The following ADAM18 variants were observed in gnomAD, a reference collection of about 807,000 sequenced individuals.
The protein encoded by ADAM18 is disintegrin and metalloproteinase domain-containing protein 18.
ADAM18 carries 117 observed loss-of-function variants against 94.4 expected under a neutral mutation model. The observed-to-expected ratio is 1.24, with a 90% CI of 1.07 to 1.45. ADAM18 has a LOEUF of 1.45. Ranked by LOEUF, ADAM18 falls within the 40% of genes most tolerant of loss-of-function variation. The pLI is 0.00. For synonymous variants in ADAM18, 327 were observed against 291.6 expected, an observed-to-expected ratio of 1.12 and a Z score of -1.24; for missense variants, 936 against 880.0, an observed-to-expected ratio of 1.06 and a Z score of -0.81.
chr8:39,670,859 C>A lies in ADAM18; in HGVS notation c.1525+2663C>A, dbSNP rs1221068180. On this transcript the variant is annotated intron_variant, in intron 14 of 19. Coordinates refer to ENST00000265707, the MANE Select transcript of ADAM18 (RefSeq NM_014237.3). ...GAGAGCTTTTGCCCAAAGGCACACA[C>A]TTCTCAAGCCAGCACACATGCAATG... Among the ~76,000 whole-genome samples the A allele has an allele frequency of 2.0e-5, 3 of 152,234 alleles. No individual in the cohort carries two copies. The South Asian group carries it at 6.2e-4, about 31-fold the overall frequency.
At chr8:39,632,981 C>A (rs1214433991) in intron 7 of ADAM18, among the ~76,000 whole-genome samples, 1 of 152,132 alleles carries the variant, frequency 6.6e-6, no homozygotes, top group Non-Finnish European at 1.5e-5. Context: ...GCAATTCTGT[C>A]ATGAAAGCTC....
In ADAM18 at chr8:39,637,593, T is replaced by G; in HGVS notation, c.717T>G (p.Asn239Lys). The change falls in exon 9 of 20, where the codon AAT becomes AAG. Residue 239 changes from asparagine (N) to lysine (K), a missense_variant. Coordinates refer to ENST00000265707, the MANE Select transcript of ADAM18 (RefSeq NM_014237.3). ...VILSSLELWS[N>K]ENQISTSGDA... ...TGTCTTCCTTGGAATTGTGGTCAAA[T>G]GAAAACCAGATTTCCACCAGTGGGG... is the stretch of plus-strand genomic sequence containing the variant. The G allele has an allele frequency of 6.2e-7, 1 of 1,612,886 alleles. No homozygotes were observed. Among genetic ancestry groups the G allele is most frequent in the Non-Finnish European group, 8.5e-7 (1 of 1,179,316 alleles).
intron 6 of ADAM18, among the ~76,000 whole-genome samples, chr8:39,619,389 C>G (rs1189764041): frequency 6.6e-6 from 1 of 152,168 alleles, no homozygotes; most frequent in East Asian, 1.9e-4. Context: ...GCTTATGGAG[C>G]ATTCTCCAGG....
intron 18 of ADAM18, among the ~76,000 whole-genome samples, chr8:39,723,177 A>G (rs1013254082): frequency 1.4e-5 from 2 of 139,484 alleles, no homozygotes; most frequent in Non-Finnish European, 3.1e-5. Context: ...AGTATTAAAA[A>G]AACAAAGGTA....
At chr8:39,585,444 C>A in intron 2 of ADAM18, 92 bp downstream of exon 2, 1 of 898,574 alleles carries the variant, frequency 1.1e-6, no homozygotes, top group Non-Finnish European at 1.7e-6. Context: ...AATTTGTATT[C>A]ATTGCCAAAT....
At chr8:39,714,289 G>A (rs1822506553) in intron 18 of ADAM18, among the ~76,000 whole-genome samples, 1 of 152,152 alleles carries the variant, frequency 6.6e-6, no homozygotes, top group Non-Finnish European at 1.5e-5. Context: ...GGGCCTGTTG[G>A]GAGATGGGGG....
At position 39,618,440 on chromosome 8, in the gene ADAM18, TAC is replaced by T. The variant is rs1299384454; in HGVS notation, c.522+7736_522+7737del. On this transcript the variant is annotated intron_variant, in intron 6 of 19. Coordinates refer to ENST00000265707, the MANE Select transcript of ADAM18 (RefSeq NM_014237.3). ...AACATCTGTATGCAGAAGTACAGTATACAGAGATAAGAATTTACAATATAGTG... is the reference window on the plus strand; with the variant it reads ...AACATCTGTATGCAGAAGTACAGTATAGAGATAAGAATTTACAATATAGTG... Among the ~76,000 whole-genome samples, 3 of 152,232 alleles carry T rather than the reference TAC, an allele frequency of 2.0e-5. No individual in the cohort carries two copies. In the East Asian group the frequency reaches 5.8e-4, roughly 29 times the overall value.
At chr8:39,707,072 T>C (rs556469943) in intron 18 of ADAM18, among the ~76,000 whole-genome samples, 168 bp downstream of exon 18, 9 of 152,348 alleles carry the variant, frequency 5.9e-5, no homozygotes, top group East Asian at 1.9e-4. Context: ...AAACTGTAGA[T>C]AGCACCAAGC....
At chr8:39,595,441 A>G (rs1818712037) in intron 2 of ADAM18, among the ~76,000 whole-genome samples, 1 of 152,016 alleles carries the variant, frequency 6.6e-6, no homozygotes, top group South Asian at 2.1e-4. Flanking sequence ...TCAAAAGAAA[A>G]CCAGTGAACT....
chr8:39,729,254 G>A (rs573884260), intron 19 of ADAM18, among the ~76,000 whole-genome samples: 55 of 152,172 alleles, frequency 3.6e-4, no homozygotes, highest in African/African-American at 1.3e-3. Flanking sequence ...AATGTTTCTG[G>A]AGACAGATGG....
At chr8:39,596,899 T>A (rs1405980488) in intron 2 of ADAM18, among the ~76,000 whole-genome samples, 1 of 152,194 alleles carries the variant, frequency 6.6e-6, no homozygotes, top group East Asian at 1.9e-4. Context: ...TATTTTTAAT[T>A]TGCAATTCCT....
At chr8:39,596,472 G>A (rs1818743108) in intron 2 of ADAM18, among the ~76,000 whole-genome samples, 1 of 152,132 alleles carries the variant, frequency 6.6e-6, no homozygotes, top group Non-Finnish European at 1.5e-5. Context: ...CACTTAGTAT[G>A]CATTTAAGAT....
chr8:39,647,957 C>A (rs930228755), intron 11 of ADAM18, among the ~76,000 whole-genome samples: 1 of 152,082 alleles, frequency 6.6e-6, no homozygotes, highest in Non-Finnish European at 1.5e-5. Flanking sequence ...TCTACATAGA[C>A]AGAGTAACAG....
chr8:39,692,673 G>A lies in ADAM18; in HGVS notation c.1895G>A (p.Gly632Glu), dbSNP rs766060980. 3.1e-6 allele frequency: 5 copies of A among 1,598,604 alleles called. No individual in the cohort carries two copies. Among genetic ancestry groups the A allele is most frequent in the Admixed American group, 1.7e-5 (1 of 58,318 alleles). The change falls in exon 17 of 20, where the codon GGG becomes GAG. Residue 632 changes from glycine to glutamate, a missense_variant. Coordinates refer to ENST00000265707, the MANE Select transcript of ADAM18 (RefSeq NM_014237.3). ...TGTAATGCCACCACAAAATGCAAAG[G>A]GAAAGGGGTAAGTCACTTTTGTATC... Reference protein sequence around the residue: ...YNCNATTKCKGKGICNNFGNC... With the variant: ...YNCNATTKCKEKGICNNFGNC...
chr8:39,584,736 C>T (rs1818346600), intron 1 of ADAM18, 59 bp downstream of exon 1: 2 of 1,575,696 alleles, frequency 1.3e-6, no homozygotes, highest in Admixed American at 1.7e-5. Context: ...TGGGCTCTTA[C>T]TGGGAGCAGT....
chr8:39,727,273 G>A (rs1004514296), intron 19 of ADAM18, among the ~76,000 whole-genome samples: 10 of 152,286 alleles, frequency 6.6e-5, no homozygotes, highest in South Asian at 2.1e-4. Context: ...TCTCTAGCAA[G>A]TGGTTGCTCC....
rs533586484 is a variant in ADAM18, at chr8:39,704,593, G to A, written c.1903-2197G>A. On this transcript the variant is annotated intron_variant, in intron 17 of 19. Transcript: ENST00000265707. ...AAAGTAAATTCTATAATGTGACTTTGTTTTGGCTGGGGGGACCCAGTTACC... is the reference window on the plus strand; with the variant it reads ...AAAGTAAATTCTATAATGTGACTTTATTTTGGCTGGGGGGACCCAGTTACC... Among the ~76,000 whole-genome samples, 3 of 152,140 alleles carry A rather than the reference G, an allele frequency of 2.0e-5. No homozygotes were observed. In the East Asian group the frequency reaches 5.8e-4, roughly 29 times the overall value.
intron 17 of ADAM18, among the ~76,000 whole-genome samples, chr8:39,702,831 A>G (rs1163024223): frequency 6.6e-6 from 1 of 152,070 alleles, no homozygotes; most frequent in African/African-American, 2.4e-5. Context: ...CTGCTGTTCC[A>G]TAGGTCTATG....
chr8:39,659,674 G>C (rs1157613382), intron 12 of ADAM18, among the ~76,000 whole-genome samples: 6 of 151,792 alleles, frequency 4.0e-5, no homozygotes, highest in Non-Finnish European at 2.9e-5. Flanking sequence ...ACCTCTTTCA[G>C]GCTATCAAAC....
Sources: allele counts gnomAD v4.1 joint callset (sites outside exome capture counted in the v4.1 genomes callset), GRCh38; gene constraint gnomAD v4.1.1; transcripts MANE v1.5; gene names NCBI Gene and HGNC (gene_info 2026-07-23, HGNC 2026-07-21).